The following COG3 variants were observed in gnomAD, a reference collection of about 807,000 sequenced individuals.
COG3 encodes conserved oligomeric Golgi complex subunit 3.
Under a neutral mutation model 114.1 loss-of-function variants are expected in COG3, and 32 were observed. The ratio of observed to expected loss-of-function variants is 0.28; its 90% confidence interval spans 0.21 to 0.38. The LOEUF (loss-of-function observed/expected upper bound fraction) is 0.38, where lower values mean the gene tolerates loss of function less well. Ranked by LOEUF, COG3 falls within the 10% of genes least tolerant of loss-of-function variation. COG3 has a pLI of 1.00. For synonymous variants in COG3, 352 were observed against 365.7 expected, an observed-to-expected ratio of 0.96 and a Z score of 0.43; for missense variants, 813 against 973.2, an observed-to-expected ratio of 0.84 and a Z score of 2.19.
chr13:45,523,325 G>C (rs1474200871), intron 19 of COG3, among the ~76,000 whole-genome samples: 1 of 151,892 alleles, frequency 6.6e-6, no homozygotes, highest in Non-Finnish European at 1.5e-5. Context: ...TCTTGATCTA[G>C]TGCATGTAAT....
At chr13:45,531,751 C>T (rs574678829) in intron 22 of COG3, among the ~76,000 whole-genome samples, 11 of 152,178 alleles carry the variant, frequency 7.2e-5, no homozygotes, top group African/African-American at 1.9e-4. Context: ...AGTGATCTGC[C>T]GGCCTCAGCT....
chr13:45,525,026 C>G lies in COG3; in HGVS notation c.2205C>G (p.Leu735=). ...GTCAGGGAGGCCCCAAGTATACTCT[C>G]TCACAGCAGCCTTGGGCACAACCAG... is the stretch of plus-strand genomic sequence containing the variant. ...MASQGGPKYT[L]SQQPWAQPAK... is the part of the protein sequence containing the mutation. Residue 735 remains leucine, a synonymous_variant, in exon 20 of 23, where the codon CTC becomes CTG. Transcript: ENST00000349995. The G allele has an allele frequency of 6.2e-7, 1 of 1,613,860 alleles. No individual in the cohort carries two copies. The highest frequency in any genetic ancestry group is 8.5e-7 in the Non-Finnish European group (1 of 1,179,824).
At position 45,535,729 on chromosome 13, in the gene COG3, C is replaced by T. The variant is rs574095130; in HGVS notation, c.*998C>T. 17 of 986,564 alleles carry T rather than the reference C, an allele frequency of 1.7e-5. No homozygotes were observed. The highest frequency in any genetic ancestry group is 2.0e-5 in the Non-Finnish European group (17 of 830,098). 61.1% of individuals were successfully genotyped at this position (986,564 alleles called of 1,614,324 possible). ...CAGCAGAATACATTTTACCAGCAAA[C>T]CTAAGGATGACAAACACTATCCACA... On this transcript the variant is annotated 3_prime_UTR_variant, in exon 23 of 23. Transcript: ENST00000349995.
At chr13:45,503,082 A>T (rs2137859780) in intron 13 of COG3, among the ~76,000 whole-genome samples, 162 bp from the exon 14 acceptor site, 1 of 152,312 alleles carries the variant, frequency 6.6e-6, no homozygotes, top group South Asian at 2.1e-4. Flanking sequence ...CAGTTACTTG[A>T]ACAAAAACAT....
chr13:45,532,306 G>T (rs887137118), intron 22 of COG3, among the ~76,000 whole-genome samples: 1 of 152,076 alleles, frequency 6.6e-6, no homozygotes, highest in Non-Finnish European at 1.5e-5. Flanking sequence ...TTTATTTGAA[G>T]TAATTACTTT....
chr13:45,493,305 A>G (rs1430844544), intron 11 of COG3, 42 bp from the exon 12 acceptor site: 1 of 1,521,238 alleles, frequency 6.6e-7, no homozygotes. Context: ...CAAAATCCTG[A>G]AAAAACTACT....
At position 45,467,581 on chromosome 13, in the gene COG3, C is replaced by A. The variant is rs551844140; in HGVS notation, c.174+2371C>A. On this transcript the variant is annotated intron_variant, in intron 1 of 22. Transcript: ENST00000349995. ...CGCTCCAGCCTGGGTGGGTGACAGGCAAGATTCTGTCTCAAAAAGAATGCA... is the reference window on the plus strand; with the variant it reads ...CGCTCCAGCCTGGGTGGGTGACAGGAAAGATTCTGTCTCAAAAAGAATGCA... 1.4e-4 allele frequency among the ~76,000 whole-genome samples: 21 copies of A among 150,480 alleles called. 1 individual carries two copies. The South Asian group carries it at 4.4e-3, about 31-fold the overall frequency.
chr13:45,477,187 T>C (rs183866452), intron 2 of COG3, among the ~76,000 whole-genome samples: 1 of 152,174 alleles, frequency 6.6e-6, no homozygotes, highest in African/African-American at 2.4e-5. Flanking sequence ...ACACAGTAAA[T>C]GCTCAGCAAA....
Position 45,509,710 on chromosome 13 carries a change from A to G in COG3, c.1613A>G (p.Asn538Ser), listed in dbSNP as rs770824865. ...LTKSGSTESL[N>S]PRPQTTISPA... ...GTTTTAGGTTCAACAGAATCCCTCA[A>G]TCCTAGACCACAGACCACAATTTCT... is the stretch of plus-strand genomic sequence containing the variant. The change falls in exon 15 of 23, where the codon AAT becomes AGT. Residue 538 changes from asparagine (N) to serine (S), a missense_variant. Physicochemically the swap from Asn to Ser is conservative, Grantham distance 46. Around this residue, in one of 2 missense-constraint regions of COG3, gnomAD observed 389 missense variants for 542.6 expected, o/e 0.72. Coordinates refer to ENST00000349995, the MANE Select transcript of COG3 (RefSeq NM_031431.4). 3.7e-6 allele frequency: 6 copies of G among 1,613,992 alleles called. No homozygotes were observed. The Admixed American group carries it at 1.0e-4, about 27-fold the overall frequency.
chr13:45,486,945 A>G (rs1016258624), intron 8 of COG3, among the ~76,000 whole-genome samples: 4 of 152,216 alleles, frequency 2.6e-5, no homozygotes, highest in Admixed American at 1.3e-4. Context: ...AGAGATCTTT[A>G]TACTACAAAG....
At position 45,464,988 on chromosome 13, in the gene COG3, CG is replaced by C. The variant is rs770894032; in HGVS notation, c.-45del. ...CCGGAAGTGGCCCAGGTCTCTCTGT[CG>C]GGGTCCCCTCCATCTCGCTGCTGCT... On this transcript the variant is annotated 5_prime_UTR_variant, in exon 1 of 23. Coordinates refer to ENST00000349995, the MANE Select transcript of COG3 (RefSeq NM_031431.4). 207 of 1,532,324 alleles carry C rather than the reference CG, an allele frequency of 1.4e-4. No homozygotes were observed. The highest frequency in any genetic ancestry group is 1.8e-4 in the Non-Finnish European group (204 of 1,141,656). The allele number at this position is 1,532,324 out of a possible 1,614,324, so 94.9% of individuals were successfully genotyped here. A position where few individuals can be genotyped will look rare whatever the true frequency, so the allele number is the denominator to read the frequency against.
Position 45,536,589 on chromosome 13 carries a change from ATG to A in COG3, c.*1861_*1862del, listed in dbSNP as rs2137943109. 1 of 152,330 alleles carries A rather than the reference ATG, an allele frequency of 6.6e-6. No individual in the cohort carries two copies. Among genetic ancestry groups the A allele is most frequent in the South Asian group, 2.1e-4 (1 of 4,828 alleles). The allele number at this position is 152,330 out of a possible 1,614,324, so 9.4% of individuals were successfully genotyped here. A position where few individuals can be genotyped will look rare whatever the true frequency, so the allele number is the denominator to read the frequency against. On this transcript the variant is annotated 3_prime_UTR_variant, in exon 23 of 23. Transcript: ENST00000349995. ...GGCTAGAAATTGCTGTTTTTAATAAATGTGAATTTTTTAAAAATAAAGATTTT... is the reference window on the plus strand; with the variant it reads ...GGCTAGAAATTGCTGTTTTTAATAAATGAATTTTTTAAAAATAAAGATTTT...
chr13:45,530,281 C>G lies in COG3; in HGVS notation c.2358+363C>G, dbSNP rs75087071. ...GAAATAAATGGCTTGCAGTGGCAAC[C>G]AAGGGATTAAATGTCAGAGCAAATT... On this transcript the variant is annotated intron_variant, in intron 21 of 22. Coordinates refer to ENST00000349995, the MANE Select transcript of COG3 (RefSeq NM_031431.4). Among the ~76,000 whole-genome samples, 800 of 152,276 alleles carry G rather than the reference C, an allele frequency of 5.3e-3. 7 individuals are homozygous for G. Among genetic ancestry groups the G allele is most frequent in the African/African-American group, 0.018 (761 of 41,546 alleles).
intron 1 of COG3, 69 bp from the exon 2 acceptor site, chr13:45,476,132 C>T: frequency 6.8e-7 from 1 of 1,469,552 alleles, no homozygotes; most frequent in South Asian, 1.2e-5. Flanking sequence ...GAGATGGAAA[C>T]CCAATCTTGA....
At chr13:45,467,106 A>G (rs1271901307) in intron 1 of COG3, among the ~76,000 whole-genome samples, 1 of 152,246 alleles carries the variant, frequency 6.6e-6, no homozygotes, top group African/African-American at 2.4e-5. Context: ...AGACCTTTCC[A>G]AGGAAGTGAC....
intron 12 of COG3, chr13:45,493,762 C>T (rs957612960): frequency 3.8e-5 from 8 of 209,104 alleles, no homozygotes; most frequent in South Asian, 2.6e-4. Context: ...TAGAACACAT[C>T]GTTACTTTTG....
In COG3 at chr13:45,491,519, A is replaced by G. The variant is rs781732442; in HGVS notation, c.1076A>G (p.Asn359Ser). 11 of 1,612,320 alleles carry G rather than the reference A, an allele frequency of 6.8e-6. No individual in the cohort carries two copies. The highest frequency in any genetic ancestry group is 2.2e-5 in the East Asian group (1 of 44,802). Residue 359 changes from asparagine (N) to serine (S), a missense_variant, in exon 10 of 23, where the codon AAT becomes AGT. By Grantham distance (46) the Asn-to-Ser change is conservative. Transcript: ENST00000349995. ...GTTGCAGAGTTAACCAGCCAAAATA[A>G]TAGAGATCACTGTGCCTTGGTAAGT... is the stretch of plus-strand genomic sequence containing the variant. Reference protein sequence around the residue: ...CTVAELTSQNNRDHCALVRSG... With the variant: ...CTVAELTSQNSRDHCALVRSG...
intron 14 of COG3, among the ~76,000 whole-genome samples, chr13:45,506,130 T>C (rs1870119318): frequency 6.6e-6 from 1 of 152,164 alleles, no homozygotes; most frequent in Admixed American, 6.5e-5. Flanking sequence ...ATATTTCCAT[T>C]GAACAGCACT....
rs930327207 is a variant in COG3 at position 45,499,672 on chromosome 13, G to T, written c.1488+3360G>T. Reference sequence around the variant, plus strand: ...GCTGGTAGTCATATGAGAGACAGTGGCTGTTGTAATTTATTTAACCCTTGA... The same window carrying T: ...GCTGGTAGTCATATGAGAGACAGTGTCTGTTGTAATTTATTTAACCCTTGA... On this transcript the variant is annotated intron_variant, in intron 13 of 22. Coordinates refer to ENST00000349995, the MANE Select transcript of COG3 (RefSeq NM_031431.4). Among the ~76,000 whole-genome samples the T allele has an allele frequency of 5.9e-5, 9 of 152,304 alleles. No individual in the cohort carries two copies. In the South Asian group the frequency reaches 1.9e-3, roughly 32 times the overall value.
Sources: gnomAD v4.1 joint callset for allele counts (sites outside exome capture counted in the v4.1 genomes callset) on GRCh38, gnomAD v4.1.1 for gene constraint, gnomAD v4.1.1 regional missense constraint, MANE v1.5 for transcripts, NCBI Gene and HGNC (gene_info 2026-07-23, HGNC 2026-07-21) for gene names.